The following CNTN4 variants were observed in gnomAD, a reference collection of about 807,000 sequenced individuals.
CNTN4 encodes contactin-4.
In CNTN4, 77 loss-of-function variants were observed where a neutral mutation model predicts 122.5. That is an observed-to-expected ratio of 0.63 (90% CI 0.52 to 0.76). The LOEUF is 0.76. CNTN4 is among the 30% of genes least tolerant of loss of function. The pLI is 0.00. For missense variants in CNTN4, 1,256 were observed against 1,259.1 expected (o/e 1.00, Z 0.04); for synonymous variants, 512 against 447.0 (o/e 1.15, Z -1.83).
chr3:2,660,230 A>T (rs1173338411), intron 4 of CNTN4, among the ~76,000 whole-genome samples: 1 of 151,158 alleles, frequency 6.6e-6, no homozygotes, highest in Non-Finnish European at 1.5e-5. Context: ...TAAAAAAAAA[A>T]CTCTAATAGT....
At chr3:2,546,516 G>T (rs186584904) in intron 3 of CNTN4, among the ~76,000 whole-genome samples, 140 of 152,176 alleles carry the variant, frequency 9.2e-4, no homozygotes, top group Middle Eastern at 3.4e-3. Context: ...GTGTGACGAG[G>T]TGGAAAATCA....
chr3:2,337,829 G>A (rs2044017974), intron 2 of CNTN4, among the ~76,000 whole-genome samples: 2 of 151,978 alleles, frequency 1.3e-5, no homozygotes, highest in Admixed American at 6.6e-5. Context: ...ATGTCTGTAG[G>A]ATTATTATAA....
intron 4 of CNTN4, among the ~76,000 whole-genome samples, chr3:2,700,655 A>AC (rs912792707): frequency 1.3e-5 from 2 of 150,850 alleles, no homozygotes; most frequent in Non-Finnish European, 3.0e-5. Context: ...TCCCCTGGCA[A>AC]AAAAAAAAAG....
At chr3:2,615,831 A>T in intron 4 of CNTN4, among the ~76,000 whole-genome samples, 1 of 152,188 alleles carries the variant, frequency 6.6e-6, no homozygotes, top group Admixed American at 6.6e-5. Context: ...GCACTGATAC[A>T]TCTTTCCTTC....
At chr3:2,793,452 A>G (rs2092074822) in intron 6 of CNTN4, among the ~76,000 whole-genome samples, 1 of 152,046 alleles carries the variant, frequency 6.6e-6, no homozygotes. Flanking sequence ...AATGGAACAA[A>G]GAACTTTGAG....
intron 3 of CNTN4, among the ~76,000 whole-genome samples, chr3:2,538,854 G>A (rs2077918087): frequency 6.6e-6 from 1 of 151,406 alleles, no homozygotes; most frequent in Admixed American, 6.6e-5. Context: ...TGCACACACA[G>A]ACACACACCC....
In CNTN4 at chr3:2,824,251, C is replaced by G. The variant is rs548713699; in HGVS notation, c.454+4670C>G. The stretch of plus-strand genomic sequence containing the variant: ...CCGAGGCAGGTGGATCACTTGAGGT[C>G]AGGAGTTAGAGATCAGCCTGGCCAA... On this transcript the variant is annotated intron_variant, in intron 7 of 24. Coordinates refer to ENST00000418658, the MANE Select transcript of CNTN4 (RefSeq NM_175607.3). Among the ~76,000 whole-genome samples, 3 of 151,624 alleles carry G rather than the reference C, an allele frequency of 2.0e-5. No homozygotes were observed. The South Asian group carries it at 6.3e-4, about 32-fold the overall frequency.
intron 2 of CNTN4, among the ~76,000 whole-genome samples, chr3:2,122,675 T>G (rs892226056): frequency 2.0e-5 from 3 of 152,268 alleles, no homozygotes; most frequent in African/African-American, 7.2e-5. Flanking sequence ...CTTTTATAAT[T>G]ATTTCCAGAT....
At chr3:2,453,020 G>A (rs966503457) in intron 3 of CNTN4, among the ~76,000 whole-genome samples, 4 of 151,814 alleles carry the variant, frequency 2.6e-5, no homozygotes, top group African/African-American at 4.8e-5. Flanking sequence ...GCAATTATTC[G>A]TAATGTTCAT....
chr3:2,814,629 T>G (rs771260068), intron 6 of CNTN4, among the ~76,000 whole-genome samples: 4 of 152,216 alleles, frequency 2.6e-5, no homozygotes, highest in Admixed American at 1.3e-4. Flanking sequence ...TAAATGAACG[T>G]TTTTGTGTCC....
At chr3:3,051,376 C>T (rs1221321019) in intron 23 of CNTN4, among the ~76,000 whole-genome samples, 1 of 152,160 alleles carries the variant, frequency 6.6e-6, no homozygotes, top group Non-Finnish European at 1.5e-5. Flanking sequence ...TGCTGCAGTC[C>T]ATAATACTGC....
At chr3:2,950,819 T>C (rs2094733253) in intron 13 of CNTN4, among the ~76,000 whole-genome samples, 1 of 152,226 alleles carries the variant, frequency 6.6e-6, no homozygotes, top group African/African-American at 2.4e-5. Flanking sequence ...CTTATCCTTA[T>C]AACATCTGAA....
intron 3 of CNTN4, among the ~76,000 whole-genome samples, chr3:2,365,645 G>A (rs1346438499): frequency 6.6e-6 from 1 of 152,162 alleles, no homozygotes; most frequent in Non-Finnish European, 1.5e-5. Flanking sequence ...GATGAGATGT[G>A]AGATTCCCTT....
chr3:2,355,887 T>A (rs1414378149), intron 3 of CNTN4, among the ~76,000 whole-genome samples: 2 of 152,204 alleles, frequency 1.3e-5, no homozygotes, highest in Non-Finnish European at 2.9e-5. Context: ...CAATGCTCAA[T>A]TGTAATCTAA....
chr3:2,339,111 C>T (rs534789373), intron 2 of CNTN4, 67 bp from the exon 3 acceptor site: 1 of 152,208 alleles, frequency 6.6e-6, no homozygotes, highest in African/African-American at 2.4e-5. Context: ...GTAAGCATCA[C>T]CTACCCATAA....
chr3:3,024,487 G>C (rs1195031281), intron 14 of CNTN4, among the ~76,000 whole-genome samples: 3 of 150,764 alleles, frequency 2.0e-5, no homozygotes, highest in East Asian at 1.9e-4. Flanking sequence ...AAAAGCCTCG[G>C]TCTTTCAAAT....
chr3:2,588,785 T>TAAAAAAAA (rs11334608), intron 4 of CNTN4, among the ~76,000 whole-genome samples: 1 of 118,716 alleles, frequency 8.4e-6, no homozygotes. Flanking sequence ...CTTCCAGCTC[T>TAAAAAAAA]AAAAAAAAAA....
intron 4 of CNTN4, among the ~76,000 whole-genome samples, chr3:2,640,228 A>G (rs1353985580): frequency 6.6e-6 from 1 of 152,210 alleles, no homozygotes; most frequent in Non-Finnish European, 1.5e-5. Flanking sequence ...AAGAGTCTAA[A>G]TTGAGTAACA....
At chr3:2,462,019 G>A (rs1408185793) in intron 3 of CNTN4, among the ~76,000 whole-genome samples, 1 of 152,140 alleles carries the variant, frequency 6.6e-6, no homozygotes, top group Non-Finnish European at 1.5e-5. Flanking sequence ...ACAACTTTGG[G>A]GGAGGGGAGA....
Sources: allele counts gnomAD v4.1 joint callset (sites outside exome capture counted in the v4.1 genomes callset), GRCh38; gene constraint gnomAD v4.1.1; transcripts MANE v1.5; gene names NCBI Gene and HGNC (gene_info 2026-07-23, HGNC 2026-07-21).